The following UBE3B variants were observed in gnomAD, a reference collection of about 807,000 sequenced individuals.
The protein encoded by UBE3B is ubiquitin protein ligase E3B.
UBE3B carries 80 observed loss-of-function variants against 132.3 expected under a neutral mutation model. The ratio of observed to expected loss-of-function variants is 0.60; its 90% CI spans 0.50 to 0.73. The LOEUF is 0.73. Ranked by LOEUF, UBE3B falls within the 30% of genes least tolerant of loss-of-function variation. UBE3B has a pLI of 0.00. For synonymous variants in UBE3B, 487 were observed against 520.4 expected (o/e 0.94, Z 0.87); for missense variants, 1,196 against 1,362.5 (o/e 0.88, Z 1.92).
chr12:109,509,781 C>T, intron 16 of UBE3B, 67 bp downstream of exon 16: 1 of 950,608 alleles, frequency 1.1e-6, no homozygotes. Context: ...GAGTCTATGG[C>T]ATCAACTGAT....
chr12:109,523,836 C>T (rs1352301964), intron 21 of UBE3B, 142 bp from the exon 22 acceptor site: 4 of 1,182,510 alleles, frequency 3.4e-6, no homozygotes, highest in Non-Finnish European at 3.6e-6. Context: ...TGGGGAGATA[C>T]TGCCCTCCGG....
Position 109,534,357 on chromosome 12 carries a change from A to G in UBE3B, c.3016-234A>G. ...CGGAAGGCCCCATTTCCAAAAGCTT[A>G]CTTAGTGCAGGAATTCTCTGTGCAG... On this transcript the variant is annotated intron_variant, in intron 27 of 27. Coordinates refer to ENST00000342494, the MANE Select transcript of UBE3B (RefSeq NM_130466.4). The surrounding 1 kb of genome is among the most constrained non-coding windows in gnomAD (Gnocchi z 5.2). 7.1e-7 allele frequency: 1 copy of G among 1,415,394 alleles called. No individual in the cohort carries two copies. Among genetic ancestry groups the G allele is most frequent in the Admixed American group, 3.1e-5 (1 of 32,544 alleles). The allele number at this position is 1,415,394 out of a possible 1,614,324, so 87.7% of individuals were successfully genotyped here. A position where few individuals can be genotyped will look rare whatever the true frequency, so the allele number is the denominator to read the frequency against.
intron 14 of UBE3B, among the ~76,000 whole-genome samples, chr12:109,504,233 G>A (rs1879363363): frequency 6.6e-6 from 1 of 152,300 alleles, no homozygotes; most frequent in East Asian, 1.9e-4. Flanking sequence ...AGCAGCCCTG[G>A]TCCCTACTCA....
At chr12:109,524,961 T>A (rs1045651753) in intron 23 of UBE3B, among the ~76,000 whole-genome samples, 2 of 152,062 alleles carry the variant, frequency 1.3e-5, no homozygotes, top group Non-Finnish European at 2.9e-5. Flanking sequence ...CCACGGTTCC[T>A]TCTGGCTTTT....
rs1876910821 is a variant in UBE3B, at chr12:109,488,628, C to T, written c.504C>T (p.Thr168=). The T allele has an allele frequency of 1.9e-6, 3 of 1,614,072 alleles. No individual in the cohort carries two copies. Among genetic ancestry groups the T allele is most frequent in the African/African-American group, 1.3e-5 (1 of 74,932 alleles). ...LITLYLTMLV[T]FTDTSTWKIL... is the part of the protein sequence containing the mutation. ...CCCTGTACCTCACGATGCTTGTCAC[C>T]TTCACAGACACTTCAACGTGGAAAA... is the stretch of plus-strand genomic sequence containing the variant. Residue 168 remains threonine (T), a synonymous_variant, in exon 7 of 28, where the codon ACC becomes ACT. Coordinates refer to ENST00000342494, the MANE Select transcript of UBE3B (RefSeq NM_130466.4).
chr12:109,530,817 G>C (rs1217649022), intron 26 of UBE3B, among the ~76,000 whole-genome samples, 159 bp downstream of exon 26: 1 of 152,208 alleles, frequency 6.6e-6, no homozygotes, highest in Non-Finnish European at 1.5e-5. Context: ...AGGCCAAGCA[G>C]TAACCAGAGA....
rs1878492751 is a variant in UBE3B, at chr12:109,498,257, G to A, written c.844G>A (p.Asp282Asn). 6.2e-7 allele frequency: 1 copy of A among 1,613,968 alleles called. No individual in the cohort carries two copies. The highest frequency in any genetic ancestry group is 1.7e-5 in the Admixed American group (1 of 59,998). Residue 282 changes from aspartate (D) to asparagine (N), a missense_variant, in exon 11 of 28, where the codon GAC (aspartate) becomes AAC (asparagine). By Grantham distance (23) the Asp-to-Asn change is conservative (BLOSUM62 1). Transcript: ENST00000342494. ...PERLTVLESH[D>N]MLRKFIIFLR... ...GCGCCTCACTGTTTTAGAATCCCAT[G>A]ACATGCTTCGTAAATTCATCATATT... is the stretch of plus-strand genomic sequence containing the variant.
the UBE3B span, among the ~76,000 whole-genome samples, chr12:109,544,552 GGGTAAGTC>G: frequency 6.6e-6 from 1 of 152,138 alleles, no homozygotes; most frequent in African/African-American, 2.4e-5. Context: ...TGACAATCTT[GGGTAAGTC>G]GGCCCTCAGC....
At chr12:109,506,945 T>G (rs559712171) in intron 14 of UBE3B, among the ~76,000 whole-genome samples, 1 of 152,336 alleles carries the variant, frequency 6.6e-6, no homozygotes, top group African/African-American at 2.4e-5. Context: ...GTGTAACCAG[T>G]CAAGCTGTCT....
rs749220992 is a variant in UBE3B, at chr12:109,521,102, A to C, written c.2077-46A>C. The C allele has an allele frequency of 2.5e-6, 4 of 1,605,110 alleles. No homozygotes were observed. The highest frequency in any genetic ancestry group is 2.7e-5 in the African/African-American group (2 of 74,760). On this transcript the variant is annotated intron_variant, in intron 19 of 27. Coordinates refer to ENST00000342494, the MANE Select transcript of UBE3B (RefSeq NM_130466.4). The surrounding 1 kb of genome is among the most constrained non-coding windows in gnomAD (Gnocchi z 4.2). ...GGAGAGGGAACCCCGAATTGTGTGCATAAGGCTTTGGGCTTCCTAATGGGC... is the reference window on the plus strand; with the variant it reads ...GGAGAGGGAACCCCGAATTGTGTGCCTAAGGCTTTGGGCTTCCTAATGGGC...
chr12:109,528,580 G>A, intron 24 of UBE3B: 1 of 850,990 alleles, frequency 1.2e-6, no homozygotes, highest in African/African-American at 1.8e-5. Flanking sequence ...AAGGCTGGGT[G>A]CGTTGGCTCA....
chr12:109,526,313 C>T (rs1314152347), intron 23 of UBE3B, 45 bp from the exon 24 acceptor site: 4 of 1,598,196 alleles, frequency 2.5e-6, no homozygotes, highest in African/African-American at 1.3e-5. Context: ...GCTTTATTTC[C>T]CCATTAGAGT....
chr12:109,477,799 C>G lies in UBE3B; in HGVS notation c.-438C>G, dbSNP rs191451600. 6.1e-6 allele frequency: 1 copy of G among 164,702 alleles called. No individual in the cohort carries two copies. Among genetic ancestry groups the G allele is most frequent in the Non-Finnish European group, 1.3e-5 (1 of 75,068 alleles). The allele number at this position is 164,702 out of a possible 1,614,324, so 10.2% of individuals were successfully genotyped here. A position where few individuals can be genotyped will look rare whatever the true frequency, so the allele number is the denominator to read the frequency against. On this transcript the variant is annotated 5_prime_UTR_variant, in exon 1 of 28. Coordinates refer to ENST00000342494, the MANE Select transcript of UBE3B (RefSeq NM_130466.4). Reference sequence around the variant, plus strand: ...CGGGTAGGCCGGTAGGGCCTGCGGTCCGGCCTGCGGGAGAACTGGGTCGTC... The same window carrying G: ...CGGGTAGGCCGGTAGGGCCTGCGGTGCGGCCTGCGGGAGAACTGGGTCGTC...
At chr12:109,524,961 T>G (rs1045651753) in intron 23 of UBE3B, among the ~76,000 whole-genome samples, 5 of 152,062 alleles carry the variant, frequency 3.3e-5, no homozygotes, top group Admixed American at 2.0e-4. Context: ...CCACGGTTCC[T>G]TCTGGCTTTT....
chr12:109,502,769 T>G (rs912222665), intron 13 of UBE3B, among the ~76,000 whole-genome samples: 1 of 152,218 alleles, frequency 6.6e-6, no homozygotes, highest in Non-Finnish European at 1.5e-5. Context: ...AAGAATCCCA[T>G]GTAAGATTTG....
At chr12:109,530,206 G>A (rs1036296232) in intron 25 of UBE3B, 134 bp downstream of exon 25, 198 of 1,066,370 alleles carry the variant, frequency 1.9e-4, no homozygotes, top group Non-Finnish European at 2.3e-4. Context: ...GGACTGGCTA[G>A]ACTGCTTTGG....
rs763783737 is a variant in UBE3B, at chr12:109,486,081, C to T, written c.342+10C>T. ...TGAGAATGAGCCTAAGGTAAGTGGA[C>T]GGGAGCCGCAGTGTCTCCCACAAGC... On this transcript the variant is annotated intron_variant, in intron 5 of 27. Transcript: ENST00000342494. 10 of 1,556,920 alleles carry T rather than the reference C, an allele frequency of 6.4e-6. No individual in the cohort carries two copies. The highest frequency in any genetic ancestry group is 3.6e-5 in the South Asian group (3 of 84,470).
At chr12:109,512,978 T>C (rs1396755028) in intron 18 of UBE3B, among the ~76,000 whole-genome samples, 1 of 152,280 alleles carries the variant, frequency 6.6e-6, no homozygotes, top group Non-Finnish European at 1.5e-5. Context: ...TGTGCTTCTC[T>C]GTAACTTCTA....
rs1269182753 is a variant in UBE3B, at chr12:109,477,984, G to A, written c.-253G>A. The A allele has an allele frequency of 6.5e-6, 1 of 152,700 alleles. No individual in the cohort carries two copies. Among genetic ancestry groups the A allele is most frequent in the Non-Finnish European group, 1.5e-5 (1 of 68,318 alleles). 9.5% of individuals were successfully genotyped at this position (152,700 alleles called of 1,614,324 possible). ...CCTCTTTTCACTTTGGGGACGGTAG[G>A]CCTTTATAAACGGACTAATGCTGGG... On this transcript the variant is annotated 5_prime_UTR_variant, in exon 1 of 28. Transcript: ENST00000342494.
Sources: allele counts gnomAD v4.1 joint callset (sites outside exome capture counted in the v4.1 genomes callset), GRCh38; gene constraint gnomAD v4.1.1; non-coding constraint Gnocchi (gnomAD v3.1); transcripts MANE v1.5; gene names NCBI Gene and HGNC (gene_info 2026-07-23, HGNC 2026-07-21).